Variants in ARHGAP35 observed in about 807,000 individuals in gnomAD.
ARHGAP35 encodes the protein Rho GTPase activating protein 35, also known as rho GTPase-activating protein 35.
A neutral mutation model predicts 111.1 loss-of-function variants in ARHGAP35; 15 were observed. The ratio of observed to expected loss-of-function variants is 0.13; its 90% CI spans 0.09 to 0.21. ARHGAP35 has a LOEUF of 0.21. ARHGAP35 is among the 10% of genes least tolerant of loss of function. The pLI is 1.00. For synonymous variants in ARHGAP35, 643 were observed against 710.3 expected, an observed-to-expected ratio of 0.91 and a Z score of 1.51; for missense variants, 1,262 against 1,873.0, an observed-to-expected ratio of 0.67 and a Z score of 6.02.
chr19:46,880,493 A>C (rs2055955823), intron 1 of ARHGAP35, among the ~76,000 whole-genome samples: 1 of 152,280 alleles, frequency 6.6e-6, no homozygotes. Flanking sequence ...CAATTCTGTC[A>C]CATCTTCAAA....
intron 3 of ARHGAP35, among the ~76,000 whole-genome samples, chr19:46,959,030 G>GT (rs113568317): frequency 6.6e-6 from 1 of 151,932 alleles, no homozygotes; most frequent in Non-Finnish European, 1.5e-5. Flanking sequence ...ACGAAGTACA[G>GT]TTAAGTAAAA....
At chr19:46,867,416 G>A (rs1415365901) in intron 1 of ARHGAP35, among the ~76,000 whole-genome samples, 1 of 152,180 alleles carries the variant, frequency 6.6e-6, no homozygotes, top group African/African-American at 2.4e-5. Context: ...ACAATTGAGA[G>A]GCGGCTTCCT....
chr19:46,928,697 C>T (rs759014795), intron 2 of ARHGAP35, among the ~76,000 whole-genome samples: 10 of 151,852 alleles, frequency 6.6e-5, no homozygotes, highest in Non-Finnish European at 1.0e-4. Flanking sequence ...TTTGGGAGGC[C>T]GAGGCAGGCA....
At chr19:46,889,147 C>T (rs2056011063) in intron 1 of ARHGAP35, among the ~76,000 whole-genome samples, 1 of 151,920 alleles carries the variant, frequency 6.6e-6, no homozygotes, top group Non-Finnish European at 1.5e-5. Flanking sequence ...GATGAAACCC[C>T]TGTCTCTACT....
At position 47,000,522 on chromosome 19, in the gene ARHGAP35, C is replaced by A; in HGVS notation, c.4334C>A (p.Pro1445His). The stretch of plus-strand genomic sequence containing the variant: ...TACAATCGGCCCATCACCGAGCCCC[C>A]CGGCGCCAGGCCCAGCTCCCCCTCT... Reference protein sequence around the residue: ...FFYNRPITEPPGARPSSPSAV... With the variant: ...FFYNRPITEPHGARPSSPSAV... Residue 1445 changes from proline to histidine, a missense_variant, in exon 7 of 7, where the codon CCC (proline) becomes CAC (histidine). By Grantham distance (77) the Pro-to-His change is moderately conservative. Around this residue, in one of 8 missense-constraint regions of ARHGAP35, gnomAD observed 75 missense variants for 87.0 expected, o/e 0.86. Coordinates refer to ENST00000672722, the MANE Select transcript of ARHGAP35 (RefSeq NM_004491.5). This position sits in a 1 kb window ranked among gnomAD's most constrained non-coding sequence, Gnocchi z 6.9. 3.1e-6 allele frequency: 5 copies of A among 1,613,634 alleles called. No homozygotes were observed. Among genetic ancestry groups the A allele is most frequent in the Non-Finnish European group, 4.2e-6 (5 of 1,179,878 alleles).
intron 3 of ARHGAP35, among the ~76,000 whole-genome samples, chr19:46,984,520 C>G (rs1005998968): frequency 6.6e-6 from 1 of 152,164 alleles, no homozygotes; most frequent in Non-Finnish European, 1.5e-5. Context: ...GCAGCCTGCT[C>G]TCAGTTTTTT....
Position 46,918,664 on chromosome 19 carries a change from G to T in ARHGAP35, c.-12G>T. The T allele has an allele frequency of 6.2e-7, 1 of 1,607,398 alleles. No individual in the cohort carries two copies. Among genetic ancestry groups the T allele is most frequent in the Admixed American group, 1.7e-5 (1 of 59,828 alleles). On this transcript the variant is annotated 5_prime_UTR_variant, in exon 2 of 7. Coordinates refer to ENST00000672722, the MANE Select transcript of ARHGAP35 (RefSeq NM_004491.5). The surrounding 1 kb of genome is among the most constrained non-coding windows in gnomAD (Gnocchi z 5.4). ...TCTCAGAAGTGGCTGATCGTGGCAG[G>T]ATGTGTCGACGATGATGATGGCAAG...
In ARHGAP35 at chr19:46,991,793, A is replaced by T. The variant is rs1166461869; in HGVS notation, c.4036+2118A>T. On this transcript the variant is annotated intron_variant, in intron 5 of 6. Coordinates refer to ENST00000672722, the MANE Select transcript of ARHGAP35 (RefSeq NM_004491.5). ...TTAGTAGTGTTAAGGGATATTATGG[A>T]AAAAAGATGATTGTGCCCCAAAGTA... is the stretch of plus-strand genomic sequence containing the variant. Among the ~76,000 whole-genome samples, 3 of 152,204 alleles carry T rather than the reference A, an allele frequency of 2.0e-5. No individual in the cohort carries two copies. In the East Asian group the frequency reaches 5.8e-4, roughly 29 times the overall value.
chr19:46,987,490 C>T (rs1849876769), intron 3 of ARHGAP35, among the ~76,000 whole-genome samples: 1 of 152,158 alleles, frequency 6.6e-6, no homozygotes, highest in Non-Finnish European at 1.5e-5. Context: ...GCTGGGATTA[C>T]AGGCGTGAGC....
intron 3 of ARHGAP35, among the ~76,000 whole-genome samples, chr19:46,982,940 G>A (rs1466684231): frequency 1.3e-5 from 2 of 150,352 alleles, no homozygotes; most frequent in African/African-American, 2.4e-5. Context: ...GTCCCTCGCA[G>A]CTACTCAGGA....
At position 46,918,079 on chromosome 19, in the gene ARHGAP35, T is replaced by G. The variant is rs1030168978; in HGVS notation, c.-188-409T>G. ...TACTTAATTATTGTGGCGCTCAAATTGTCCCAGAGTTGGCCAGTGGGAGCC... is the reference window on the plus strand; with the variant it reads ...TACTTAATTATTGTGGCGCTCAAATGGTCCCAGAGTTGGCCAGTGGGAGCC... On this transcript the variant is annotated intron_variant, in intron 1 of 6. Coordinates refer to ENST00000672722, the MANE Select transcript of ARHGAP35 (RefSeq NM_004491.5). The surrounding 1 kb of genome is among the most constrained non-coding windows in gnomAD (Gnocchi z 5.4). 6.6e-6 allele frequency among the ~76,000 whole-genome samples: 1 copy of G among 152,204 alleles called. No individual in the cohort carries two copies. Among genetic ancestry groups the G allele is most frequent in the Non-Finnish European group, 1.5e-5 (1 of 68,034 alleles).
rs182679621 is a variant in ARHGAP35, at chr19:46,900,598, G to A, written c.-188-17890G>A. 9.4e-4 allele frequency among the ~76,000 whole-genome samples: 143 copies of A among 152,208 alleles called. 2 individuals carry two copies. In the East Asian group the frequency reaches 0.01, roughly 11 times the overall value. On this transcript the variant is annotated intron_variant, in intron 1 of 6. Transcript: ENST00000672722. Reference sequence around the variant, plus strand: ...TTGAGGTAATACTTAAATTACTTGTGGACAGGTTTTTGGTTTTTTCTTTGG... The same window carrying A: ...TTGAGGTAATACTTAAATTACTTGTAGACAGGTTTTTGGTTTTTTCTTTGG...
rs544758127 is a variant in ARHGAP35 at position 47,000,024 on chromosome 19, G to A, written c.4143-307G>A. Among the ~76,000 whole-genome samples, 10 of 152,286 alleles carry A rather than the reference G, an allele frequency of 6.6e-5. No individual in the cohort carries two copies. In the East Asian group the frequency reaches 9.7e-4, roughly 15 times the overall value. The stretch of plus-strand genomic sequence containing the variant: ...TCAGCCTCCCTCCCTCGTCACAGCC[G>A]GAGCACCGCCACTGCTTTGGCTGGC... On this transcript the variant is annotated intron_variant, in intron 6 of 6. Transcript: ENST00000672722. This position sits in a 1 kb window ranked among gnomAD's most constrained non-coding sequence, Gnocchi z 6.9.
intron 1 of ARHGAP35, among the ~76,000 whole-genome samples, chr19:46,888,773 C>A (rs1241595530): frequency 6.8e-6 from 1 of 147,064 alleles, no homozygotes; most frequent in Non-Finnish European, 1.5e-5. Context: ...GCGGGCAGAT[C>A]ACTAGGCCAG....
Position 46,861,991 on chromosome 19 carries a change from TC to T in ARHGAP35, c.-189+784del, listed in dbSNP as rs538353608. On this transcript the variant is annotated intron_variant, in intron 1 of 6. Coordinates refer to ENST00000672722, the MANE Select transcript of ARHGAP35 (RefSeq NM_004491.5). The stretch of plus-strand genomic sequence containing the variant: ...GCCCCTCGGCTGGCTTTCTGACCCT[TC>T]CGTGCCCCAGCTCATTCCCCTGATC... Among the ~76,000 whole-genome samples the T allele has an allele frequency of 9.2e-5, 14 of 152,302 alleles. No individual in the cohort carries two copies. The East Asian group carries it at 1.2e-3, about 13-fold the overall frequency.
At chr19:46,932,964 G>T (rs976783236) in intron 2 of ARHGAP35, among the ~76,000 whole-genome samples, 4 of 152,080 alleles carry the variant, frequency 2.6e-5, no homozygotes, top group African/African-American at 9.7e-5. Context: ...CCATGTAAAA[G>T]AAGCCTGCTC....
intron 3 of ARHGAP35, among the ~76,000 whole-genome samples, chr19:46,962,619 G>GT (rs994694320): frequency 4.1e-4 from 62 of 152,170 alleles, no homozygotes; most frequent in African/African-American, 1.4e-3. Context: ...TTTTGTTTTT[G>GT]TTTTTGAAAT....
At chr19:46,937,024 G>A (rs1304753317) in intron 2 of ARHGAP35, among the ~76,000 whole-genome samples, 1 of 151,992 alleles carries the variant, frequency 6.6e-6, no homozygotes, top group Non-Finnish European at 1.5e-5. Flanking sequence ...GTTTTTAGTA[G>A]AGACACGGTT....
At chr19:46,974,099 A>G (rs909585938) in intron 3 of ARHGAP35, among the ~76,000 whole-genome samples, 3 of 152,150 alleles carry the variant, frequency 2.0e-5, no homozygotes, top group African/African-American at 4.8e-5. Context: ...GGCTCAAGCA[A>G]TCCTCCCACC....
Sources: allele counts gnomAD v4.1 joint callset (sites outside exome capture counted in the v4.1 genomes callset), GRCh38; gene constraint gnomAD v4.1.1; regional missense constraint gnomAD v4.1.1; non-coding constraint Gnocchi (gnomAD v3.1); transcripts MANE v1.5; gene names NCBI Gene and HGNC (gene_info 2026-07-23, HGNC 2026-07-21).